Variants in GRIK3 observed in about 807,000 individuals in gnomAD.
The protein encoded by GRIK3 is glutamate receptor ionotropic, kainate 3.
In GRIK3, 29 loss-of-function variants were observed where a neutral mutation model predicts 102.5. That is an observed-to-expected ratio of 0.28 (90% CI 0.21 to 0.39). GRIK3 has a LOEUF of 0.39. Among genes scored for constraint, GRIK3 ranks in the 10% least tolerant of loss-of-function variants. GRIK3 has a pLI of 1.00. For missense variants in GRIK3, 908 were observed against 1,252.4 expected, an observed-to-expected ratio of 0.73 and a Z score of 4.15; for synonymous variants, 511 against 504.9, an observed-to-expected ratio of 1.01 and a Z score of -0.16.
At chr1:36,951,359 C>T (rs770872110) in intron 1 of GRIK3, among the ~76,000 whole-genome samples, 8 of 152,160 alleles carry the variant, frequency 5.3e-5, no homozygotes, top group Non-Finnish European at 1.0e-4. Flanking sequence ...GTCCTTGGGC[C>T]GAAATCTAGG....
intron 4 of GRIK3, among the ~76,000 whole-genome samples, chr1:36,871,487 C>T (rs949751222): frequency 6.6e-6 from 1 of 152,264 alleles, no homozygotes; most frequent in African/African-American, 2.4e-5. Flanking sequence ...TTGCCTTTTA[C>T]ACAAAGCGCC....
chr1:36,958,121 T>A lies in GRIK3; in HGVS notation c.116-67025A>T, dbSNP rs553546. Among the ~76,000 whole-genome samples the A allele has an allele frequency of 1.6e-3, 148 of 90,382 alleles. 14 individuals carry two copies. Among genetic ancestry groups the A allele is most frequent in the East Asian group, 0.013 (35 of 2,786 alleles). 59.3% of individuals were successfully genotyped at this position (90,382 alleles called of 152,430 possible). ...AGCCTGTGTGCCCCGTGAGTCTGTG[T>A]CCCATGAGTCTGTGTGCCCCGTGAC... On this transcript the variant is annotated intron_variant, in intron 1 of 15. Coordinates refer to ENST00000373091, the MANE Select transcript of GRIK3 (RefSeq NM_000831.4).
chr1:37,005,702 TGTCA>T (rs1419462358), intron 1 of GRIK3, among the ~76,000 whole-genome samples: 2 of 152,232 alleles, frequency 1.3e-5, no homozygotes, highest in Non-Finnish European at 2.9e-5. Context: ...TTTGTTCACT[TGTCA>T]GTCATTCATT....
At chr1:36,919,490 T>C (rs1221845461) in intron 1 of GRIK3, among the ~76,000 whole-genome samples, 1 of 151,562 alleles carries the variant, frequency 6.6e-6, no homozygotes, top group Non-Finnish European at 1.5e-5. Context: ...AGAGGAAGAG[T>C]AAAAGCACCT....
intron 1 of GRIK3, among the ~76,000 whole-genome samples, chr1:36,970,623 A>C (rs1642130483): frequency 6.6e-6 from 1 of 152,158 alleles, no homozygotes; most frequent in Non-Finnish European, 1.5e-5. Context: ...CTCTGATTGG[A>C]ATAAGTCTCC....
At chr1:36,882,587 A>G (rs536475156) in intron 2 of GRIK3, among the ~76,000 whole-genome samples, 1 of 152,332 alleles carries the variant, frequency 6.6e-6, no homozygotes, top group South Asian at 2.1e-4. Flanking sequence ...GCTCGCACCC[A>G]GAAAACCACT....
chr1:37,005,444 G>A (rs756237268), intron 1 of GRIK3, among the ~76,000 whole-genome samples: 1 of 152,220 alleles, frequency 6.6e-6, no homozygotes, highest in Non-Finnish European at 1.5e-5. Context: ...ATCTCAAGGG[G>A]TGTGTAGCCA....
At chr1:37,005,247 T>A (rs1171704557) in intron 1 of GRIK3, among the ~76,000 whole-genome samples, 2 of 152,196 alleles carry the variant, frequency 1.3e-5, no homozygotes, top group African/African-American at 4.8e-5. Flanking sequence ...ATAATCTGTC[T>A]GAAAGGACCA....
At chr1:36,937,595 G>A (rs371398346) in intron 1 of GRIK3, among the ~76,000 whole-genome samples, 8 of 152,206 alleles carry the variant, frequency 5.3e-5, no homozygotes, top group Non-Finnish European at 8.8e-5. Context: ...AAATGATTAC[G>A]GGCAGGGAGC....
At chr1:37,011,359 A>G (rs1473960601) in intron 1 of GRIK3, among the ~76,000 whole-genome samples, 1 of 152,368 alleles carries the variant, frequency 6.6e-6, no homozygotes, top group East Asian at 1.9e-4. Flanking sequence ...AACACTTCAC[A>G]CTATTAGTTA....
rs142059946 is a variant in GRIK3 at position 36,919,243 on chromosome 1, C to G, written c.116-28147G>C. On this transcript the variant is annotated intron_variant, in intron 1 of 15. Coordinates refer to ENST00000373091, the MANE Select transcript of GRIK3 (RefSeq NM_000831.4). ...AACAATCAGGGTGATGAGTGCTCTACTGTGATAAACTCAGTGTTCAAGGGG... is the reference window on the plus strand; with the variant it reads ...AACAATCAGGGTGATGAGTGCTCTAGTGTGATAAACTCAGTGTTCAAGGGG... 1.1e-3 allele frequency among the ~76,000 whole-genome samples: 160 copies of G among 152,282 alleles called. 2 individuals are homozygous for G. The highest frequency in any genetic ancestry group is 3.7e-3 in the African/African-American group (152 of 41,556).
chr1:36,856,477 G>A (rs1021778422), intron 7 of GRIK3, among the ~76,000 whole-genome samples: 1 of 152,140 alleles, frequency 6.6e-6, no homozygotes, highest in Non-Finnish European at 1.5e-5. Flanking sequence ...AGCTCCTCTC[G>A]GAAATGCCAA....
intron 1 of GRIK3, among the ~76,000 whole-genome samples, chr1:37,003,260 A>C (rs1312338971): frequency 6.6e-6 from 1 of 152,212 alleles, no homozygotes; most frequent in Non-Finnish European, 1.5e-5. Flanking sequence ...GTGAGCTATC[A>C]TATTAAATGT....
chr1:36,910,432 C>T (rs1024179603), intron 1 of GRIK3, among the ~76,000 whole-genome samples: 1 of 152,266 alleles, frequency 6.6e-6, no homozygotes, highest in African/African-American at 2.4e-5. Flanking sequence ...CCAGGGCCCC[C>T]GCAGCTCAGT....
At chr1:36,995,444 G>A (rs1184890839) in intron 1 of GRIK3, among the ~76,000 whole-genome samples, 1 of 152,118 alleles carries the variant, frequency 6.6e-6, no homozygotes, top group Non-Finnish European at 1.5e-5. Flanking sequence ...AAAGTACTAG[G>A]TAACAGCCAT....
chr1:36,941,502 T>G (rs1407600415), intron 1 of GRIK3, among the ~76,000 whole-genome samples: 1 of 152,138 alleles, frequency 6.6e-6, no homozygotes, highest in Non-Finnish European at 1.5e-5. Flanking sequence ...GACAGCTGCC[T>G]TTGGCTCCCA....
At position 37,030,181 on chromosome 1, in the gene GRIK3, T is replaced by C. The variant is rs145988086; in HGVS notation, c.115+3813A>G. On this transcript the variant is annotated intron_variant, in intron 1 of 15. Coordinates refer to ENST00000373091, the MANE Select transcript of GRIK3 (RefSeq NM_000831.4). Reference sequence around the variant, plus strand: ...CACTCCCAGGTCTTGTCTGAAGCTATTTACTTCCAGGGGGGAAAACCCTAT... The same window carrying C: ...CACTCCCAGGTCTTGTCTGAAGCTACTTACTTCCAGGGGGGAAAACCCTAT... Among the ~76,000 whole-genome samples, 305 of 152,304 alleles carry C rather than the reference T, an allele frequency of 2.0e-3. 1 individual carries two copies. Among genetic ancestry groups the C allele is most frequent in the African/African-American group, 6.9e-3 (287 of 41,564 alleles).
chr1:36,976,337 A>G (rs1570839373), intron 1 of GRIK3, among the ~76,000 whole-genome samples: 1 of 152,216 alleles, frequency 6.6e-6, no homozygotes, highest in East Asian at 1.9e-4. Flanking sequence ...GACTTCTTAC[A>G]TTCTATGCAA....
intron 1 of GRIK3, among the ~76,000 whole-genome samples, chr1:36,947,752 C>A (rs1288320228): frequency 6.6e-6 from 1 of 152,160 alleles, no homozygotes; most frequent in Non-Finnish European, 1.5e-5. Flanking sequence ...CTCCTGCCCC[C>A]CCATGAAGCA....
Sources: gnomAD v4.1 joint callset for allele counts (sites outside exome capture counted in the v4.1 genomes callset) on GRCh38, gnomAD v4.1.1 for gene constraint, MANE v1.5 for transcripts, NCBI Gene and HGNC (gene_info 2026-07-23, HGNC 2026-07-21) for gene names.